The following GRM5 variants were observed in gnomAD, a reference collection of about 807,000 sequenced individuals.
GRM5 encodes the protein glutamate metabotropic receptor 5.
A neutral mutation model predicts 83.1 loss-of-function variants in GRM5; 19 were observed. That is an observed-to-expected ratio of 0.23 (90% CI 0.16 to 0.34). The LOEUF (loss-of-function observed/expected upper bound fraction) is 0.34, where lower values mean the gene tolerates loss of function less well. Among genes scored for constraint, GRM5 ranks in the 10% least tolerant of loss-of-function variants. GRM5 has a pLI of 1.00. For synonymous variants in GRM5, 675 were observed against 633.6 expected, an observed-to-expected ratio of 1.07 and a Z score of -0.98; for missense variants, 1,160 against 1,588.3, an observed-to-expected ratio of 0.73 and a Z score of 4.58.
rs574820291 is a variant in GRM5 at position 88,981,912 on chromosome 11, C to T, written c.661+65300G>A. On this transcript the variant is annotated intron_variant, in intron 2 of 9. Transcript: ENST00000305447. ...CTAGGAGGCTGAATTAACTTTGAAC[C>T]TGAGCTGTATCTTAATATTGATCAG... 9.9e-5 allele frequency among the ~76,000 whole-genome samples: 15 copies of T among 152,250 alleles called. No homozygotes were observed. The East Asian group carries it at 2.9e-3, about 29-fold the overall frequency.
chr11:88,575,202 T>C (rs762972329), intron 7 of GRM5, among the ~76,000 whole-genome samples: 6 of 152,188 alleles, frequency 3.9e-5, no homozygotes, highest in Non-Finnish European at 7.4e-5. Flanking sequence ...TATTCCTCTT[T>C]ATGTCAGTAT....
At chr11:88,741,939 A>T (rs1329888855) in intron 3 of GRM5, among the ~76,000 whole-genome samples, 1 of 152,064 alleles carries the variant, frequency 6.6e-6, no homozygotes, top group African/African-American at 2.4e-5. Flanking sequence ...AAACACATTT[A>T]AAACAATATG....
intron 2 of GRM5, among the ~76,000 whole-genome samples, chr11:88,866,130 A>G (rs552703767): frequency 6.6e-6 from 1 of 152,238 alleles, no homozygotes; most frequent in African/African-American, 2.4e-5. Context: ...ACTATTCACA[A>G]TATCAAAGAC....
intron 3 of GRM5, among the ~76,000 whole-genome samples, chr11:88,685,248 A>T (rs1052860245): frequency 1.3e-5 from 2 of 152,192 alleles, no homozygotes; most frequent in African/African-American, 2.4e-5. Context: ...ATGTTTTAGC[A>T]AAGAGACTGG....
At chr11:88,625,084 T>A (rs1248438913) in intron 4 of GRM5, among the ~76,000 whole-genome samples, 2 of 152,106 alleles carry the variant, frequency 1.3e-5, no homozygotes, top group African/African-American at 4.8e-5. Context: ...TGGAATGAAA[T>A]AAACCTAAAT....
At chr11:89,018,991 A>C (rs996491797) in intron 2 of GRM5, among the ~76,000 whole-genome samples, 4 of 152,240 alleles carry the variant, frequency 2.6e-5, no homozygotes, top group Non-Finnish European at 5.9e-5. Context: ...AGACTTCCTT[A>C]GTGTCTTCCT....
intron 8 of GRM5, among the ~76,000 whole-genome samples, chr11:88,531,306 T>C (rs1376619428): frequency 6.6e-6 from 1 of 152,064 alleles, no homozygotes; most frequent in Non-Finnish European, 1.5e-5. Context: ...ATGGAGTGTT[T>C]AGTGAAGCGG....
chr11:88,837,506 C>G (rs1220208854), intron 3 of GRM5, among the ~76,000 whole-genome samples: 5 of 152,158 alleles, frequency 3.3e-5, no homozygotes, highest in Non-Finnish European at 7.3e-5. Flanking sequence ...TGATTATTAT[C>G]AAAATGTTTT....
intron 3 of GRM5, among the ~76,000 whole-genome samples, chr11:88,724,809 G>A (rs948889996): frequency 5.3e-5 from 8 of 152,202 alleles, no homozygotes; most frequent in African/African-American, 1.9e-4. Flanking sequence ...AAGGGGTTGG[G>A]GAACTCCTTC....
At chr11:88,655,330 G>A (rs887312069) in intron 3 of GRM5, among the ~76,000 whole-genome samples, 1 of 151,992 alleles carries the variant, frequency 6.6e-6, no homozygotes, top group Admixed American at 6.6e-5. Context: ...AGATGAGAGT[G>A]TGGGTCTCAT....
intron 9 of GRM5, among the ~76,000 whole-genome samples, chr11:88,515,975 C>G (rs1444825560): frequency 6.6e-6 from 1 of 152,164 alleles, no homozygotes; most frequent in East Asian, 1.9e-4. Flanking sequence ...GGTGTTTTCA[C>G]CTATGGCATC....
rs559081407 is a variant in GRM5 at position 88,800,335 on chromosome 11, CAAAG to C, written c.911+49567_911+49570del. 4.3e-3 allele frequency among the ~76,000 whole-genome samples: 660 copies of C among 151,910 alleles called. 3 individuals carry two copies. The highest frequency in any genetic ancestry group is 0.015 in the African/African-American group (622 of 41,430). ...TTTGTGTGCTATGCAATTTTCTTGACAAAGAGAGATTGTCATAGCAATTCCTTTT... is the reference window on the plus strand; with the variant it reads ...TTTGTGTGCTATGCAATTTTCTTGACAGAGATTGTCATAGCAATTCCTTTT... On this transcript the variant is annotated intron_variant, in intron 3 of 9. Coordinates refer to ENST00000305447, the MANE Select transcript of GRM5 (RefSeq NM_001143831.3).
intron 2 of GRM5, among the ~76,000 whole-genome samples, chr11:88,884,020 C>T (rs974221610): frequency 7.9e-5 from 12 of 152,134 alleles, no homozygotes; most frequent in Admixed American, 2.0e-4. Context: ...GGAGGCCCCA[C>T]ACAGAGTCCC....
chr11:88,511,023 G>T (rs969926139), intron 9 of GRM5, among the ~76,000 whole-genome samples: 1 of 152,176 alleles, frequency 6.6e-6, no homozygotes, highest in African/African-American at 2.4e-5. Context: ...TAAATTCTGT[G>T]TAAGACTCAT....
chr11:88,870,122 G>C (rs1341031555), intron 2 of GRM5, among the ~76,000 whole-genome samples: 1 of 151,498 alleles, frequency 6.6e-6, no homozygotes, highest in Non-Finnish European at 1.5e-5. Context: ...ATATGGGACA[G>C]AGCTTTATAG....
chr11:88,821,370 GAA>G (rs1191938320), intron 3 of GRM5, among the ~76,000 whole-genome samples: 2 of 118,628 alleles, frequency 1.7e-5, no homozygotes, highest in African/African-American at 6.3e-5. Context: ...AAAGAAAAAA[GAA>G]AAAAAAAAAA....
intron 3 of GRM5, among the ~76,000 whole-genome samples, chr11:88,709,410 A>G (rs1941234214): frequency 6.6e-6 from 1 of 152,090 alleles, no homozygotes; most frequent in South Asian, 2.1e-4. Flanking sequence ...AAATCCTTTA[A>G]GCAAGGATCT....
rs1941549278 is a variant in GRM5, at chr11:88,721,915, C to T, written c.912-68512G>A. The stretch of plus-strand genomic sequence containing the variant: ...ACTGTTCACTTTTATGAAGATATAC[C>T]TCATTACTTCTTAATTTCTTTCCAG... On this transcript the variant is annotated intron_variant, in intron 3 of 9. Coordinates refer to ENST00000305447, the MANE Select transcript of GRM5 (RefSeq NM_001143831.3). Among the ~76,000 whole-genome samples the T allele has an allele frequency of 2.0e-5, 3 of 152,172 alleles. No individual in the cohort carries two copies. The South Asian group carries it at 6.2e-4, about 32-fold the overall frequency.
intron 8 of GRM5, among the ~76,000 whole-genome samples, chr11:88,539,085 A>G (rs138381201): frequency 3.2e-4 from 49 of 152,212 alleles, no homozygotes; most frequent in African/African-American, 1.2e-3. Flanking sequence ...CTGTGATACT[A>G]ACTTTGATTA....
Sources: gnomAD v4.1 joint callset for allele counts (sites outside exome capture counted in the v4.1 genomes callset) on GRCh38, gnomAD v4.1.1 for gene constraint, MANE v1.5 for transcripts, NCBI Gene and HGNC (gene_info 2026-07-23, HGNC 2026-07-21) for gene names.